Variants in ZEB1 observed in about 807,000 individuals in gnomAD.
ZEB1 encodes zinc finger E-box binding homeobox 1, also known as zinc finger E-box-binding homeobox 1.
In ZEB1, 21 loss-of-function variants were observed where a neutral mutation model predicts 84.9. That is an observed-to-expected ratio of 0.25 (90% CI 0.18 to 0.36). ZEB1 has a LOEUF of 0.36. Ranked by LOEUF, ZEB1 falls within the 10% of genes least tolerant of loss-of-function variation. The pLI, the probability that ZEB1 is intolerant of heterozygous loss-of-function variation, is 1.00. For missense variants in ZEB1, 1,104 were observed against 1,330.2 expected (o/e 0.83, Z 2.65); for synonymous variants, 420 against 471.1 (o/e 0.89, Z 1.41).
intron 1 of ZEB1, among the ~76,000 whole-genome samples, chr10:31,347,996 C>G (rs79540979): frequency 1.3e-5 from 2 of 152,194 alleles, no homozygotes; most frequent in Non-Finnish European, 2.9e-5. Flanking sequence ...TTAATCTTTG[C>G]TGTGCCACAT....
chr10:31,518,352 A>G (rs1474394511), intron 6 of ZEB1, among the ~76,000 whole-genome samples: 2 of 152,160 alleles, frequency 1.3e-5, no homozygotes, highest in African/African-American at 4.8e-5. Flanking sequence ...ATATAAGAGA[A>G]GTTTAAGAAT....
At chr10:31,458,315 G>GTGTGTGTGTGTGTGTGTGTGT (rs973219892) in intron 1 of ZEB1, among the ~76,000 whole-genome samples, 8 of 116,844 alleles carry the variant, frequency 6.8e-5, no homozygotes. Flanking sequence ...TCCATTCCGT[G>GTGTGTGTGTGTGTGTGTGTGT]TGTGTGTGTG....
chr10:31,374,294 A>G (rs1191765026), intron 1 of ZEB1, among the ~76,000 whole-genome samples: 1 of 151,880 alleles, frequency 6.6e-6, no homozygotes, highest in African/African-American at 2.4e-5. Context: ...AGAGCTTAAT[A>G]ACAAACATAT....
chr10:31,380,694 C>A (rs1168437626), intron 1 of ZEB1, among the ~76,000 whole-genome samples: 1 of 152,060 alleles, frequency 6.6e-6, no homozygotes, highest in African/African-American at 2.4e-5. Context: ...TTATCTGAAA[C>A]AATGTATACT....
intron 1 of ZEB1, among the ~76,000 whole-genome samples, chr10:31,324,055 G>T (rs1235167275): frequency 1.3e-5 from 2 of 151,556 alleles, no homozygotes; most frequent in African/African-American, 4.8e-5. Flanking sequence ...ATTCCTGAGG[G>T]CTCAGTAGTG....
upstream of ZEB1, chr10:31,319,117 G>T: frequency 1.4e-6 from 1 of 726,852 alleles, no homozygotes. Flanking sequence ...CGTAAAGCCG[G>T]GAGTGTCGTA....
At chr10:31,319,445 C>A (rs1243210114) in intron 1 of ZEB1, 153 bp downstream of exon 1, 3 of 711,408 alleles carry the variant, frequency 4.2e-6, no homozygotes, top group Non-Finnish European at 7.0e-6. Context: ...CTCTCTGCCC[C>A]CCTCCGCTGC....
intron 1 of ZEB1, among the ~76,000 whole-genome samples, chr10:31,324,261 A>G (rs1006846578): frequency 2.6e-5 from 4 of 152,068 alleles, no homozygotes; most frequent in Non-Finnish European, 4.4e-5. Context: ...AGTCTCTAGT[A>G]TGTTTGAAAT....
chr10:31,473,548 G>C (rs947142603), intron 2 of ZEB1, among the ~76,000 whole-genome samples: 1 of 151,380 alleles, frequency 6.6e-6, no homozygotes, highest in African/African-American at 2.4e-5. Flanking sequence ...CACTGGTCAA[G>C]GAAATAAAAG....
chr10:31,361,066 C>T (rs2042966403), intron 1 of ZEB1: 5 of 1,611,688 alleles, frequency 3.1e-6, no homozygotes, highest in African/African-American at 1.3e-5. Context: ...GATAATCAGA[C>T]TTCTTTTCTC....
In ZEB1 at chr10:31,442,121, C is replaced by T. The variant is rs113353726; in HGVS notation, c.59-18916C>T. Among the ~76,000 whole-genome samples, 113 of 152,228 alleles carry T rather than the reference C, an allele frequency of 7.4e-4. 2 individuals are homozygous for T. Among genetic ancestry groups the T allele is most frequent in the African/African-American group, 2.4e-3 (101 of 41,526 alleles). ...GACACATGCACATGTATGTTGATTGCGGCACTATTCACGATAGCAAAGACT... is the reference window on the plus strand; with the variant it reads ...GACACATGCACATGTATGTTGATTGTGGCACTATTCACGATAGCAAAGACT... On this transcript the variant is annotated intron_variant, in intron 1 of 8. Coordinates refer to ENST00000424869, the MANE Select transcript of ZEB1 (RefSeq NM_001174096.2).
chr10:31,347,922 C>T (rs1564539739), intron 1 of ZEB1, among the ~76,000 whole-genome samples: 1 of 152,084 alleles, frequency 6.6e-6, no homozygotes, highest in Admixed American at 6.6e-5. Context: ...ATTCCAGGGC[C>T]CTTCAGGGGA....
At chr10:31,517,360 C>T (rs2071343954) in intron 6 of ZEB1, among the ~76,000 whole-genome samples, 1 of 151,880 alleles carries the variant, frequency 6.6e-6, no homozygotes. Flanking sequence ...AAAAGGCTAC[C>T]AGACCTCCAC....
At chr10:31,366,574 A>G (rs1050915743) in intron 1 of ZEB1, among the ~76,000 whole-genome samples, 35 of 152,256 alleles carry the variant, frequency 2.3e-4, no homozygotes, top group Middle Eastern at 3.2e-3. Flanking sequence ...AGTACTAATT[A>G]GATTTTTGAG....
intron 1 of ZEB1, among the ~76,000 whole-genome samples, chr10:31,343,190 A>T (rs531854453): frequency 2.0e-5 from 3 of 152,216 alleles, no homozygotes; most frequent in African/African-American, 7.2e-5. Context: ...TCTATGTTAT[A>T]TTGTGGCACA....
chr10:31,437,677 A>G (rs749190656), intron 1 of ZEB1, among the ~76,000 whole-genome samples: 1 of 152,142 alleles, frequency 6.6e-6, no homozygotes, highest in Non-Finnish European at 1.5e-5. Context: ...AGATTACTAT[A>G]TGTTGTCATT....
intron 1 of ZEB1, among the ~76,000 whole-genome samples, chr10:31,450,348 G>C (rs571074523): frequency 6.6e-6 from 1 of 151,534 alleles, no homozygotes; most frequent in East Asian, 1.9e-4. Flanking sequence ...TTCCTCTTTC[G>C]TGTTTTTAGC....
chr10:31,497,604 G>C (rs1024601692), intron 3 of ZEB1, among the ~76,000 whole-genome samples: 1 of 152,124 alleles, frequency 6.6e-6, no homozygotes, highest in Admixed American at 6.6e-5. Flanking sequence ...GTAAAATGAT[G>C]TCCTGCCTTT....
In ZEB1 at chr10:31,521,698, C is replaced by A; in HGVS notation, c.2366C>A (p.Pro789Gln). The change falls in exon 7 of 9, where the codon CCA becomes CAA. Residue 789 changes from proline to glutamine, a missense_variant. Transcript: ENST00000424869. ...QKDSCVTDSE[P>Q]VVNVIPPSAN... Reference sequence around the variant, plus strand: ...GACAGTTGTGTTACAGACTCAGAACCAGTTGTAAATGTAATCCCACCAAGT... The same window carrying A: ...GACAGTTGTGTTACAGACTCAGAACAAGTTGTAAATGTAATCCCACCAAGT... 1 of 1,614,124 alleles carries A rather than the reference C, an allele frequency of 6.2e-7. No homozygotes were observed. The highest frequency in any genetic ancestry group is 8.5e-7 in the Non-Finnish European group (1 of 1,180,014).
Sources: allele counts gnomAD v4.1 joint callset (sites outside exome capture counted in the v4.1 genomes callset), GRCh38; gene constraint gnomAD v4.1.1; transcripts MANE v1.5; gene names NCBI Gene and HGNC (gene_info 2026-07-23, HGNC 2026-07-21).